ZNF280C: variants seen among roughly 807,000 people sequenced by gnomAD.
ZNF280C encodes zinc finger protein 280C.
A neutral mutation model predicts 53.6 loss-of-function variants in ZNF280C; 14 were observed. The ratio of observed to expected loss-of-function variants is 0.26; its 90% CI spans 0.17 to 0.41. ZNF280C has a LOEUF of 0.41. Among genes scored for constraint, ZNF280C ranks in the 10% least tolerant of loss-of-function variants. The pLI is 1.00. For missense variants in ZNF280C, 416 were observed against 547.1 expected, an observed-to-expected ratio of 0.76 and a Z score of 2.39; for synonymous variants, 203 against 181.1, an observed-to-expected ratio of 1.12 and a Z score of -0.97.
At chrX:130,232,021 C>T (rs1254316740) in intron 8 of ZNF280C, among the ~76,000 whole-genome samples, 6 of 101,229 alleles carry the variant, frequency 5.9e-5, no homozygotes, top group Non-Finnish European at 1.0e-4. Flanking sequence ...AGCAAGACTC[C>T]GTCTCAAAAA....
intron 1 of ZNF280C, among the ~76,000 whole-genome samples, chrX:130,265,295 T>C (rs1437008657): frequency 8.9e-6 from 1 of 111,739 alleles, no homozygotes; most frequent in African/African-American, 3.2e-5. Flanking sequence ...TATGTCAGCT[T>C]TGGGATGGGG....
At chrX:130,210,916 T>C (rs1272711750) in intron 15 of ZNF280C, among the ~76,000 whole-genome samples, 2 of 112,316 alleles carry the variant, frequency 1.8e-5, no homozygotes, top group South Asian at 3.7e-4. Context: ...TTTCAGGCCT[T>C]ACTGCAAACA....
intron 1 of ZNF280C, among the ~76,000 whole-genome samples, chrX:130,265,684 T>A (rs1474348929): frequency 2.7e-5 from 3 of 112,381 alleles, no homozygotes; most frequent in African/African-American, 9.7e-5. Context: ...TCTGTAAGTA[T>A]AATCAACCTC....
chrX:130,261,815 T>TA (rs1556316861), intron 1 of ZNF280C, among the ~76,000 whole-genome samples: 5 of 108,763 alleles, frequency 4.6e-5, no homozygotes, highest in Admixed American at 3.0e-4. Context: ...TTTTTTTTTT[T>TA]AATTTTTATG....
chrX:130,220,210 A>G, intron 13 of ZNF280C, 139 bp downstream of exon 13: 3 of 488,308 alleles, frequency 6.1e-6, no homozygotes, highest in Non-Finnish European at 9.1e-6. Flanking sequence ...TGAAATACAC[A>G]ATAAATTATT....
chrX:130,225,046 C>A (rs147561062), intron 12 of ZNF280C, among the ~76,000 whole-genome samples: 354 of 111,522 alleles, frequency 3.2e-3, no homozygotes, highest in African/African-American at 0.011. Flanking sequence ...CTTTCCAATA[C>A]ATACAGCAAG....
intron 5 of ZNF280C, among the ~76,000 whole-genome samples, chrX:130,243,348 T>A (rs1022523292): frequency 3.6e-5 from 4 of 111,545 alleles, no homozygotes; most frequent in African/African-American, 1.3e-4. Flanking sequence ...TATGCCCAGC[T>A]AATTTTTTGT....
In ZNF280C at chrX:130,215,238, T is replaced by C. The variant is rs753950352; in HGVS notation, c.1934A>G (p.Lys645Arg). The change falls in exon 15 of 19, where the codon AAG (lysine) becomes AGG (arginine). Residue 645 changes from lysine to arginine, a missense_variant. Lys to Arg is a conservative substitution (Grantham distance 26). Transcript: ENST00000370978. ...FSIYIHCSFC[K>R]YNTNCNKAFV... Reference sequence around the variant, plus strand: ...GGCTTTGTTACAGTTAGTATTGTACTTGCAAAAACTGCAGTGGATGTATAT... The same window carrying C: ...GGCTTTGTTACAGTTAGTATTGTACCTGCAAAAACTGCAGTGGATGTATAT... 2.5e-6 allele frequency: 3 copies of C among 1,203,933 alleles called. No homozygotes were observed. In the African/African-American group the frequency reaches 5.3e-5, roughly 21 times the overall value.
intron 10 of ZNF280C, among the ~76,000 whole-genome samples, chrX:130,228,103 G>A (rs906798403): frequency 9.0e-6 from 1 of 111,506 alleles, no homozygotes; most frequent in South Asian, 3.7e-4. Context: ...ATTTGTCCGC[G>A]TCTCAGACTC....
chrX:130,239,526 A>G (rs1250457890), intron 6 of ZNF280C, 56 bp downstream of exon 6: 9 of 688,137 alleles, frequency 1.3e-5, no homozygotes, highest in Non-Finnish European at 2.0e-5. Context: ...TCAATTCCAT[A>G]TGTATATTCG....
chrX:130,205,505 G>C (rs995548472), intron 16 of ZNF280C, 90 bp from the exon 17 acceptor site: 2 of 595,685 alleles, frequency 3.4e-6, no homozygotes, highest in African/African-American at 4.7e-5. Flanking sequence ...GTACTAACTT[G>C]ATTTGCATTT....
chrX:130,247,178 G>C (rs957689131), intron 2 of ZNF280C, among the ~76,000 whole-genome samples, 173 bp from the exon 3 acceptor site: 1 of 111,997 alleles, frequency 8.9e-6, no homozygotes, highest in Non-Finnish European at 1.9e-5. Flanking sequence ...GCGTGATCTC[G>C]GCTCACTGCA....
intron 2 of ZNF280C, among the ~76,000 whole-genome samples, chrX:130,250,766 G>C (rs767704316): frequency 1.8e-5 from 2 of 111,985 alleles, no homozygotes; most frequent in East Asian, 5.6e-4. Context: ...GGCCAGCATT[G>C]TCCTGATAAC....
chrX:130,255,252 T>C (rs1458961947), intron 2 of ZNF280C, among the ~76,000 whole-genome samples: 1 of 100,688 alleles, frequency 9.9e-6, no homozygotes, highest in African/African-American at 3.6e-5. Flanking sequence ...GCCATTCTCC[T>C]TCCTCAGCCT....
At chrX:130,207,361 G>C (rs766712681) in intron 16 of ZNF280C, among the ~76,000 whole-genome samples, 9 of 111,275 alleles carry the variant, frequency 8.1e-5, no homozygotes, top group Non-Finnish European at 1.5e-4. Context: ...TCCCCAGACT[G>C]ATCTTTTTTT....
chrX:130,255,459 T>A (rs1603246003), intron 2 of ZNF280C, among the ~76,000 whole-genome samples: 2 of 97,272 alleles, frequency 2.1e-5, no homozygotes. Context: ...TTTTCAAAGG[T>A]ATAAAATGCA....
chrX:130,214,547 A>T (rs2032078956), intron 15 of ZNF280C, among the ~76,000 whole-genome samples: 1 of 111,151 alleles, frequency 9.0e-6, no homozygotes, highest in Non-Finnish European at 1.9e-5. Flanking sequence ...CCCTGTATCC[A>T]TGGGGGATTG....
chrX:130,210,816 G>A (rs1476404355), intron 15 of ZNF280C, among the ~76,000 whole-genome samples: 1 of 112,421 alleles, frequency 8.9e-6, no homozygotes, highest in African/African-American at 3.2e-5. Flanking sequence ...GGCAAGATTA[G>A]CCAGGATTAG....
intron 2 of ZNF280C, among the ~76,000 whole-genome samples, chrX:130,254,904 TA>T (rs1238968441): frequency 1.9e-5 from 2 of 107,460 alleles, no homozygotes; most frequent in Non-Finnish European, 3.9e-5. Flanking sequence ...TCCCTGAACT[TA>T]AAATAAAAGT....
Sources: allele counts gnomAD v4.1 joint callset (sites outside exome capture counted in the v4.1 genomes callset), GRCh38; gene constraint gnomAD v4.1.1; transcripts MANE v1.5; gene names NCBI Gene and HGNC (gene_info 2026-07-23, HGNC 2026-07-21).